PAPPA: variants seen among roughly 807,000 people sequenced by gnomAD.
PAPPA encodes pappalysin-1.
A neutral mutation model predicts 164.0 loss-of-function variants in PAPPA; 60 were observed. That is an observed-to-expected ratio of 0.37 (90% CI 0.30 to 0.45). The LOEUF is 0.45. PAPPA is among the 20% of genes least tolerant of loss of function. PAPPA has a pLI of 1.00. For synonymous variants in PAPPA, 875 were observed against 814.1 expected (o/e 1.07, Z -1.27); for missense variants, 1,782 against 2,087.3 (o/e 0.85, Z 2.85).
rs866910016 is a variant in PAPPA, at chr9:116,302,926, C to T, written c.3123C>T (p.Ile1041=). The change falls in exon 10 of 22, where the codon ATC becomes ATT. Residue 1041 remains isoleucine, a synonymous_variant. Coordinates refer to ENST00000328252, the MANE Select transcript of PAPPA (RefSeq NM_002581.5). The part of the protein sequence containing the change: ...HQDQQCPGWV[I]IGQPAASQVC... ...ACCAGCAATGCCCAGGCTGGGTCAT[C>T]ATCGGACAGCCAGCAGCATCCCAGG... is the stretch of plus-strand genomic sequence containing the variant. 6.2e-7 allele frequency: 1 copy of T among 1,613,820 alleles called. No individual in the cohort carries two copies. Among genetic ancestry groups the T allele is most frequent in the Non-Finnish European group, 8.5e-7 (1 of 1,179,938 alleles).
At chr9:116,266,715 A>G (rs1845072184) in intron 8 of PAPPA, among the ~76,000 whole-genome samples, 1 of 152,228 alleles carries the variant, frequency 6.6e-6, no homozygotes, top group Non-Finnish European at 1.5e-5. Flanking sequence ...TGCATTGTTT[A>G]AAACTCAATA....
chr9:116,199,199 G>C (rs921807951), intron 2 of PAPPA, among the ~76,000 whole-genome samples: 1 of 152,090 alleles, frequency 6.6e-6, no homozygotes, highest in African/African-American at 2.4e-5. Context: ...GTCCCATCAC[G>C]ATCCAATCCA....
chr9:116,197,452 G>A (rs3789283), intron 2 of PAPPA, among the ~76,000 whole-genome samples: 77,568 of 152,048 alleles, frequency 0.51, 20,507 homozygotes, highest in Non-Finnish European at 0.59. Flanking sequence ...TCAAGTCCCA[G>A]CAGTGGCCTT....
intron 13 of PAPPA, among the ~76,000 whole-genome samples, chr9:116,340,805 A>G (rs183433951): frequency 4.6e-5 from 7 of 152,324 alleles, no homozygotes; most frequent in African/African-American, 1.4e-4. Context: ...AAGTCCTGCA[A>G]CTAAGAAAAC....
intron 7 of PAPPA, among the ~76,000 whole-genome samples, chr9:116,240,154 T>C (rs1170881253): frequency 6.6e-6 from 1 of 152,200 alleles, no homozygotes; most frequent in Non-Finnish European, 1.5e-5. Flanking sequence ...CATCTACTTA[T>C]TGGTCTGTCT....
intron 8 of PAPPA, among the ~76,000 whole-genome samples, chr9:116,266,759 G>GA (rs1255846617): frequency 1.3e-5 from 2 of 151,968 alleles, no homozygotes; most frequent in East Asian, 1.9e-4. Context: ...TCCAGAATAA[G>GA]AAAAAAAGTT....
Position 116,398,878 on chromosome 9 carries a change from C to A in PAPPA, c.*2262C>A, listed in dbSNP as rs1847005783. The A allele has an allele frequency of 2.8e-6, 1 of 362,470 alleles. No homozygotes were observed. The highest frequency in any genetic ancestry group is 5.4e-6 in the Non-Finnish European group (1 of 184,592). The allele number at this position is 362,470 out of a possible 1,614,324, so 22.5% of individuals were successfully genotyped here. A position where few individuals can be genotyped will look rare whatever the true frequency, so the allele number is the denominator to read the frequency against. On this transcript the variant is annotated 3_prime_UTR_variant, in exon 22 of 22. Coordinates refer to ENST00000328252, the MANE Select transcript of PAPPA (RefSeq NM_002581.5). ...TTAGAAGAATTGATCCTATTTTGAA[C>A]CCCTCTCCAGTATCTTCACACTCTT...
rs190148499 is a variant in PAPPA at position 116,396,485 on chromosome 9, C to T, written c.4777-24C>T. 5.9e-5 allele frequency: 46 copies of T among 780,402 alleles called. No individual in the cohort carries two copies. The African/African-American group carries it at 6.8e-4, about 11-fold the overall frequency. 48.3% of individuals were successfully genotyped at this position (780,402 alleles called of 1,614,324 possible). A position where few individuals can be genotyped will look rare whatever the true frequency, so the allele number is the denominator to read the frequency against. On this transcript the variant is annotated intron_variant, in intron 21 of 21. Transcript: ENST00000328252. The stretch of plus-strand genomic sequence containing the variant: ...TCATTACTGCTTCAGACCAAATCAC[C>T]TGATTCACTTCTTCTTTCTGCAGGT...
chr9:116,279,061 A>G (rs911953089), intron 9 of PAPPA, among the ~76,000 whole-genome samples: 1 of 152,212 alleles, frequency 6.6e-6, no homozygotes. Flanking sequence ...TTGCAAAATG[A>G]TCAAACCTCC....
chr9:116,378,335 G>A (rs1440577936), intron 20 of PAPPA, among the ~76,000 whole-genome samples: 1 of 152,134 alleles, frequency 6.6e-6, no homozygotes, highest in Non-Finnish European at 1.5e-5. Context: ...CCTGAAGGGA[G>A]GGCTGTCCAC....
At chr9:116,264,659 T>C (rs1845045306) in intron 7 of PAPPA, among the ~76,000 whole-genome samples, 1 of 152,196 alleles carries the variant, frequency 6.6e-6, no homozygotes, top group Admixed American at 6.5e-5. Flanking sequence ...GACATCATCC[T>C]TTTGTTTATG....
At chr9:116,288,639 A>G (rs1190196765) in intron 9 of PAPPA, 1 of 152,178 alleles carries the variant, frequency 6.6e-6, no homozygotes, top group Non-Finnish European at 1.5e-5. Flanking sequence ...AGGGCTGAAG[A>G]GTAACCCATT....
At chr9:116,351,250 G>A (rs1258058986) in intron 15 of PAPPA, among the ~76,000 whole-genome samples, 1 of 152,026 alleles carries the variant, frequency 6.6e-6, no homozygotes, top group Non-Finnish European at 1.5e-5. Flanking sequence ...AAAGTATCTG[G>A]TGCAGAATAA....
At chr9:116,204,332 C>G (rs181784714) in intron 2 of PAPPA, among the ~76,000 whole-genome samples, 155 of 152,264 alleles carry the variant, frequency 1.0e-3, no homozygotes, top group African/African-American at 3.4e-3. Flanking sequence ...ACAACTTGCC[C>G]ATAGATATAG....
intron 5 of PAPPA, among the ~76,000 whole-genome samples, chr9:116,224,691 C>CT (rs1393287209): frequency 1.3e-5 from 2 of 152,106 alleles, no homozygotes; most frequent in Non-Finnish European, 2.9e-5. Flanking sequence ...TGAAATGTGA[C>CT]TGGTGTGACT....
intron 9 of PAPPA, 79 bp from the exon 10 acceptor site, chr9:116,302,678 T>C (rs1250512460): frequency 8.5e-7 from 1 of 1,180,954 alleles, no homozygotes; most frequent in Non-Finnish European, 1.2e-6. Context: ...GTGGTCTGAC[T>C]CTGCAGCTGC....
intron 13 of PAPPA, among the ~76,000 whole-genome samples, chr9:116,341,116 C>T (rs551001681): frequency 1.3e-5 from 2 of 152,056 alleles, no homozygotes; most frequent in Non-Finnish European, 2.9e-5. Flanking sequence ...TCTTGTCTCA[C>T]TGCAACCTCT....
intron 18 of PAPPA, among the ~76,000 whole-genome samples, chr9:116,367,012 G>T (rs2118647531): frequency 6.6e-6 from 1 of 152,298 alleles, no homozygotes; most frequent in African/African-American, 2.4e-5. Context: ...CTCTACCTGG[G>T]TGTCACACGC....
rs1210611908 is a variant in PAPPA, at chr9:116,187,761, C to T, written c.1023C>T (p.Tyr341=). Residue 341 remains tyrosine, a synonymous_variant, in exon 2 of 22, where the codon TAC becomes TAT. Transcript: ENST00000328252. The surrounding 1 kb of genome is among the most constrained non-coding windows in gnomAD (Gnocchi z 4.2). ...LCDNTEVIAS[Y]NQLSSFRQPK... ...ACAACACAGAGGTCATTGCCAGCTA[C>T]AATCAGCTCTCAAGTTTCCGCCAGC... 3 of 1,614,268 alleles carry T rather than the reference C, an allele frequency of 1.9e-6. No individual in the cohort carries two copies. In the East Asian group the frequency reaches 6.7e-5, roughly 36 times the overall value.
Sources: allele counts gnomAD v4.1 joint callset (sites outside exome capture counted in the v4.1 genomes callset), GRCh38; gene constraint gnomAD v4.1.1; non-coding constraint Gnocchi (gnomAD v3.1); transcripts MANE v1.5; gene names NCBI Gene and HGNC (gene_info 2026-07-23, HGNC 2026-07-21).